The following TACR1 variants were observed in gnomAD, a reference collection of about 807,000 sequenced individuals.
The protein encoded by TACR1 is tachykinin receptor 1, also known as substance-P receptor.
TACR1 carries 25 observed loss-of-function variants against 35.8 expected under a neutral mutation model. The observed-to-expected ratio is 0.70, with a 90% CI of 0.51 to 0.98. The LOEUF (loss-of-function observed/expected upper bound fraction) is 0.98, where lower values mean the gene tolerates loss of function less well. Among genes scored for constraint, TACR1 ranks in the 50% least tolerant of loss-of-function variants. TACR1 has a pLI of 0.00. For synonymous variants in TACR1, 195 were observed against 206.7 expected (o/e 0.94, Z 0.48); for missense variants, 478 against 522.9 (o/e 0.91, Z 0.84).
In TACR1 at chr2:75,196,751, A is replaced by C. The variant is rs562114571; in HGVS notation, c.389+1795T>G. 2.0e-5 allele frequency among the ~76,000 whole-genome samples: 3 copies of C among 152,276 alleles called. No individual in the cohort carries two copies. In the East Asian group the frequency reaches 5.8e-4, roughly 29 times the overall value. On this transcript the variant is annotated intron_variant, in intron 1 of 4. Transcript: ENST00000305249. ...AGAGAGAGCTGTCTGCTGGTGCTCC[A>C]TCAGCTACTGAATGCTCCAGCTCAC...
chr2:75,048,736 A>G lies in TACR1; in HGVS notation c.*696T>C, dbSNP rs1672406862. 6.6e-6 allele frequency: 1 copy of G among 152,130 alleles called. No homozygotes were observed. Among genetic ancestry groups the G allele is most frequent in the Admixed American group, 6.6e-5 (1 of 15,262 alleles). The allele number at this position is 152,130 out of a possible 1,614,324, so 9.4% of individuals were successfully genotyped here. A position where few individuals can be genotyped will look rare whatever the true frequency, so the allele number is the denominator to read the frequency against. ...CATTAAATGTAGTGCAAGTCTCCCA[A>G]TTCCTGGTCTGTAAGAGAACTAGCA... is the stretch of plus-strand genomic sequence containing the variant. On this transcript the variant is annotated 3_prime_UTR_variant, in exon 5 of 5. Transcript: ENST00000305249.
intron 2 of TACR1, among the ~76,000 whole-genome samples, chr2:75,074,401 C>G (rs1416914416): frequency 6.6e-6 from 1 of 152,150 alleles, no homozygotes; most frequent in African/African-American, 2.4e-5. Flanking sequence ...GCCCCTGGGT[C>G]TTGTAGGGAA....
At chr2:75,184,467 G>C (rs1048275304) in intron 1 of TACR1, among the ~76,000 whole-genome samples, 2 of 151,784 alleles carry the variant, frequency 1.3e-5, no homozygotes, top group African/African-American at 4.8e-5. Flanking sequence ...ACAGACACTA[G>C]ATGTAAGATT....
At chr2:75,119,251 A>G (rs561662354) in intron 2 of TACR1, among the ~76,000 whole-genome samples, 1 of 152,360 alleles carries the variant, frequency 6.6e-6, no homozygotes, top group African/African-American at 2.4e-5. Context: ...GTAGCTTACA[A>G]GGTGAGAATA....
chr2:75,168,951 GA>G (rs944355549), intron 1 of TACR1, among the ~76,000 whole-genome samples: 3 of 151,622 alleles, frequency 2.0e-5, no homozygotes, highest in Non-Finnish European at 4.4e-5. Context: ...TTTGTAATCA[GA>G]AAAAAATACA....
chr2:75,177,951 G>A (rs919431020), intron 1 of TACR1, among the ~76,000 whole-genome samples: 7 of 151,768 alleles, frequency 4.6e-5, no homozygotes, highest in Admixed American at 6.6e-5. Context: ...CCTCACCTTC[G>A]TCTATGACCT....
chr2:75,085,539 A>G (rs1673173888), intron 2 of TACR1, among the ~76,000 whole-genome samples: 1 of 152,198 alleles, frequency 6.6e-6, no homozygotes. Context: ...CAGAATATTA[A>G]GATTGGGAGA....
intron 2 of TACR1, among the ~76,000 whole-genome samples, chr2:75,066,891 G>A (rs1261041427): frequency 1.3e-5 from 2 of 152,212 alleles, no homozygotes; most frequent in Admixed American, 1.3e-4. Flanking sequence ...TAATGTGGGA[G>A]TGATGACAGA....
chr2:75,103,257 A>C (rs1673574406), intron 2 of TACR1, among the ~76,000 whole-genome samples: 1 of 152,180 alleles, frequency 6.6e-6, no homozygotes, highest in South Asian at 2.1e-4. Flanking sequence ...GAACTGGGGC[A>C]GGAAATATAC....
At chr2:75,126,369 T>C (rs1355387892) in intron 1 of TACR1, among the ~76,000 whole-genome samples, 2 of 152,196 alleles carry the variant, frequency 1.3e-5, no homozygotes, top group Non-Finnish European at 2.9e-5. Context: ...TTTGCTATTG[T>C]GAATAGTAGT....
intron 1 of TACR1, among the ~76,000 whole-genome samples, chr2:75,123,612 A>G (rs1264077388): frequency 1.3e-5 from 2 of 152,202 alleles, no homozygotes; most frequent in African/African-American, 2.4e-5. Flanking sequence ...AAAGCCAGAG[A>G]GAATAAAAAA....
At chr2:75,067,053 G>A (rs1672776819) in intron 2 of TACR1, among the ~76,000 whole-genome samples, 2 of 152,202 alleles carry the variant, frequency 1.3e-5, no homozygotes, top group South Asian at 4.1e-4. Context: ...TATGCAGATT[G>A]GATGAGGGAG....
intron 1 of TACR1, among the ~76,000 whole-genome samples, chr2:75,128,966 C>T (rs971759209): frequency 1.1e-4 from 16 of 152,170 alleles, no homozygotes; most frequent in African/African-American, 1.7e-4. Flanking sequence ...GACCTGTTTG[C>T]GATTTAGAGC....
At chr2:75,193,100 CCCTCTCCTTCTTCT>C (rs1249644041) in intron 1 of TACR1, among the ~76,000 whole-genome samples, 15 of 152,126 alleles carry the variant, frequency 9.9e-5, no homozygotes, top group Non-Finnish European at 1.9e-4. Context: ...CTACTGCCCT[CCCTCTCCTTCTTCT>C]TCTCCTTTTA....
chr2:75,072,204 G>A (rs1372159801), intron 2 of TACR1, among the ~76,000 whole-genome samples: 1 of 149,926 alleles, frequency 6.7e-6, no homozygotes, highest in Non-Finnish European at 1.5e-5. Flanking sequence ...GAGAAGGGAA[G>A]GAAAGAAAGA....
At chr2:75,088,059 C>T (rs933199700) in intron 2 of TACR1, among the ~76,000 whole-genome samples, 15 of 152,190 alleles carry the variant, frequency 9.9e-5, no homozygotes, top group African/African-American at 2.4e-4. Context: ...CTCTAGCTGA[C>T]GTCTACCTTG....
At chr2:75,190,193 A>G (rs1027187040) in intron 1 of TACR1, among the ~76,000 whole-genome samples, 1 of 152,248 alleles carries the variant, frequency 6.6e-6, no homozygotes, top group Admixed American at 6.5e-5. Context: ...TTTGCAATGA[A>G]CACATTCTCA....
Position 75,049,472 on chromosome 2 carries a change from A to G in TACR1, c.1184T>C (p.Met395Thr), listed in dbSNP as rs1558535594. 4 of 1,614,148 alleles carry G rather than the reference A, an allele frequency of 2.5e-6. No individual in the cohort carries two copies. Among genetic ancestry groups the G allele is most frequent in the Non-Finnish European group, 3.4e-6 (4 of 1,179,996 alleles). ...GGAGGAGAAGCTGAAGCTCTCTGTC[A>G]TGGTCTTGGAGTCACTTCGTGAAGA... ...NCSSRSDSKT[M>T]TESFSFSSNV... Residue 395 changes from methionine (M) to threonine (T), a missense_variant, in exon 5 of 5, where the codon ATG becomes ACG. Coordinates refer to ENST00000305249, the MANE Select transcript of TACR1 (RefSeq NM_001058.4).
chr2:75,148,496 T>C (rs2103960872), intron 1 of TACR1, among the ~76,000 whole-genome samples: 1 of 152,350 alleles, frequency 6.6e-6, no homozygotes, highest in South Asian at 2.1e-4. Flanking sequence ...TTTTCATATG[T>C]TTGTTGACTG....
Sources: allele counts gnomAD v4.1 joint callset (sites outside exome capture counted in the v4.1 genomes callset), GRCh38; gene constraint gnomAD v4.1.1; transcripts MANE v1.5; gene names NCBI Gene and HGNC (gene_info 2026-07-23, HGNC 2026-07-21).